Variants in DYNC1H1 observed in about 807,000 individuals in gnomAD.
DYNC1H1 encodes dynein cytoplasmic 1 heavy chain 1.
A neutral mutation model predicts 527.1 loss-of-function variants in DYNC1H1; 51 were observed. That is an observed-to-expected ratio of 0.10 (90% CI 0.08 to 0.12). DYNC1H1 has a LOEUF of 0.12. Among genes scored for constraint, DYNC1H1 ranks in the 10% least tolerant of loss-of-function variants. DYNC1H1 has a pLI of 1.00. For missense variants in DYNC1H1, 2,771 were observed against 5,971.8 expected (o/e 0.46, Z 17.66); for synonymous variants, 2,189 against 2,278.8 (o/e 0.96, Z 1.12).
chr14:102,003,894 C>T (rs2048162593), intron 23 of DYNC1H1, among the ~76,000 whole-genome samples: 1 of 151,048 alleles, frequency 6.6e-6, no homozygotes. Flanking sequence ...CCGCTGCACT[C>T]CAGCTGGGGT....
chr14:101,979,914 C>T lies in DYNC1H1; in HGVS notation c.714C>T (p.Asp238=), dbSNP rs748927251. 5.6e-6 allele frequency: 9 copies of T among 1,614,156 alleles called. No homozygotes were observed. Among genetic ancestry groups the T allele is most frequent in the Non-Finnish European group, 6.8e-6 (8 of 1,180,026 alleles). Residue 238 remains aspartate, a synonymous_variant, in exon 4 of 78, where the codon GAC becomes GAT. Transcript: ENST00000360184. This position sits in a 1 kb window ranked among gnomAD's most constrained non-coding sequence, Gnocchi z 4.6. ...KVTDFGDKVE[D]PTFLNQLQSG... Reference sequence around the variant, plus strand: ...CAGACTTTGGTGATAAGGTTGAAGACCCAACATTTCTTAATCAGTTACAAT... The same window carrying T: ...CAGACTTTGGTGATAAGGTTGAAGATCCAACATTTCTTAATCAGTTACAAT...
In DYNC1H1 at chr14:101,986,639, T is replaced by C. The variant is rs772485925; in HGVS notation, c.2414T>C (p.Val805Ala). The change falls in exon 8 of 78, where the codon GTG becomes GCG. Residue 805 changes from valine to alanine, a missense_variant. Val to Ala is a moderately conservative substitution (Grantham distance 64). This residue lies in a region of DYNC1H1 where 24 missense variants were observed against 19.0 expected (regional missense o/e 1.26). Transcript: ENST00000360184. The surrounding 1 kb of genome is among the most constrained non-coding windows in gnomAD (Gnocchi z 8.7). The stretch of plus-strand genomic sequence containing the variant: ...GAGCGGAACACCATTTCCCTTTTGG[T>C]GGCTGGCTTGAAAAAGGAAGTGCAG... ...VEERNTISLL[V>A]AGLKKEVQAL... 6.2e-7 allele frequency: 1 copy of C among 1,613,068 alleles called. No individual in the cohort carries two copies. The highest frequency in any genetic ancestry group is 8.5e-7 in the Non-Finnish European group (1 of 1,179,074).
rs2048044423 is a variant in DYNC1H1, at chr14:101,995,149, CTG to C, written c.3445-29_3445-28del. 1.9e-6 allele frequency: 3 copies of C among 1,614,214 alleles called. No individual in the cohort carries two copies. The East Asian group carries it at 6.7e-5, about 36-fold the overall frequency. ...ACCGGTCTACTGGTGAACCCCAGCT[CTG>C]TGATGAAATACTCCCCTCTCTCTGA... is the stretch of plus-strand genomic sequence containing the variant. On this transcript the variant is annotated intron_variant, in intron 14 of 77. Transcript: ENST00000360184.
In DYNC1H1 at chr14:102,011,109, TTTG is replaced by T. The variant is rs570695553; in HGVS notation, c.6618+169_6618+171del. ...GATTTGCCCAAGGCCTATTTGAATT[TTTG>T]TTGTTGTTGTTTAAATGAAGAGGAA... On this transcript the variant is annotated intron_variant, in intron 32 of 77. Coordinates refer to ENST00000360184, the MANE Select transcript of DYNC1H1 (RefSeq NM_001376.5). This position sits in a 1 kb window ranked among gnomAD's most constrained non-coding sequence, Gnocchi z 5.3. The T allele has an allele frequency of 4.0e-5, 32 of 798,770 alleles. 1 individual carries two copies. The highest frequency in any genetic ancestry group is 3.0e-4 in the South Asian group (20 of 67,336). The allele number at this position is 798,770 out of a possible 1,614,324, so 49.5% of individuals were successfully genotyped here. A position where few individuals can be genotyped will look rare whatever the true frequency, so the allele number is the denominator to read the frequency against.
chr14:101,994,276 G>T lies in DYNC1H1; in HGVS notation c.3108G>T (p.Ser1036=). 1 of 1,614,164 alleles carries T rather than the reference G, an allele frequency of 6.2e-7. No individual in the cohort carries two copies. The highest frequency in any genetic ancestry group is 8.5e-7 in the Non-Finnish European group (1 of 1,180,034). The change falls in exon 12 of 78, where the codon TCG becomes TCT. Residue 1036 remains serine, a synonymous_variant. Transcript: ENST00000360184. Reference sequence around the variant, plus strand: ...ATGGCCCTGTTGCCCTGGAAGAGTCGTATTCTGCTGTCATGGGCATTGTAT... The same window carrying T: ...ATGGCCCTGTTGCCCTGGAAGAGTCTTATTCTGCTGTCATGGGCATTGTAT... ...MPDGPVALEE[S]YSAVMGIVSE...
chr14:102,017,040 G>T lies in DYNC1H1; in HGVS notation c.7848+41G>T. ...GGTGGGCAGCAGACCTTTTGGTGCT[G>T]AGCATGGGGTTGGTCTTACAGTGTG... On this transcript the variant is annotated intron_variant, in intron 38 of 77. Coordinates refer to ENST00000360184, the MANE Select transcript of DYNC1H1 (RefSeq NM_001376.5). This position sits in a 1 kb window ranked among gnomAD's most constrained non-coding sequence, Gnocchi z 4.6. 1 of 1,614,234 alleles carries T rather than the reference G, an allele frequency of 6.2e-7. No individual in the cohort carries two copies. Among genetic ancestry groups the T allele is most frequent in the Non-Finnish European group, 8.5e-7 (1 of 1,180,024 alleles).
chr14:101,998,033 T>TCC (rs1184255435), intron 16 of DYNC1H1, among the ~76,000 whole-genome samples: 1 of 152,250 alleles, frequency 6.6e-6, no homozygotes, highest in Non-Finnish European at 1.5e-5. Context: ...TAACAGTGTG[T>TCC]GTGGTTACTG....
chr14:102,008,267 G>A lies in DYNC1H1; in HGVS notation c.5907G>A (p.Ser1969=), dbSNP rs758999145. ...ACCGCCTGGAGGAGCGGATGCTCTC[G>A]GCTGTGTCCCAGCAGGTGCAGTGCA... The part of the protein sequence containing the change: ...EFNRLEERML[S]AVSQQVQCIQ... Residue 1969 remains serine (S), a synonymous_variant, in exon 29 of 78, where the codon TCG becomes TCA. Coordinates refer to ENST00000360184, the MANE Select transcript of DYNC1H1 (RefSeq NM_001376.5). The A allele has an allele frequency of 2.7e-5, 44 of 1,614,024 alleles. No homozygotes were observed. In the Middle Eastern group the frequency reaches 6.6e-4, roughly 24 times the overall value.
At chr14:102,013,477 T>C (rs1217621166) in intron 34 of DYNC1H1, among the ~76,000 whole-genome samples, 1 of 151,064 alleles carries the variant, frequency 6.6e-6, no homozygotes, top group Admixed American at 6.6e-5. Context: ...CCAAGTATTC[T>C]GGGCAAAGGA....
In DYNC1H1 at chr14:102,042,616, G is replaced by A. The variant is rs1163337278; in HGVS notation, c.12400-19G>A. 3 of 1,613,990 alleles carry A rather than the reference G, an allele frequency of 1.9e-6. No individual in the cohort carries two copies. The highest frequency in any genetic ancestry group is 2.2e-5 in the East Asian group (1 of 44,886). ...CCTCATCCACACCCGAGCATAACTG[G>A]AACGGCGCTCTCCCTTAGGTGCCTG... On this transcript the variant is annotated intron_variant, in intron 68 of 77. Coordinates refer to ENST00000360184, the MANE Select transcript of DYNC1H1 (RefSeq NM_001376.5). This position sits in a 1 kb window ranked among gnomAD's most constrained non-coding sequence, Gnocchi z 5.7.
At chr14:102,026,134 G>T (rs1198592760) in intron 43 of DYNC1H1, among the ~76,000 whole-genome samples, 1 of 151,954 alleles carries the variant, frequency 6.6e-6, no homozygotes, top group South Asian at 2.1e-4. Flanking sequence ...AATAGGGCAG[G>T]CCCTCACACC....
chr14:102,043,997 G>A lies in DYNC1H1; in HGVS notation c.12636G>A (p.Leu4212=). 6.2e-7 allele frequency: 1 copy of A among 1,614,190 alleles called. No individual in the cohort carries two copies. ...SKKYEFGESD[L]RSACDTVDTW... is the part of the protein sequence containing the mutation. ...AGTATGAATTTGGAGAGTCTGACCTGCGGTCAGCTTGCGATACGGTGGACA... is the reference window on the plus strand; with the variant it reads ...AGTATGAATTTGGAGAGTCTGACCTACGGTCAGCTTGCGATACGGTGGACA... Residue 4212 remains leucine (L), a synonymous_variant, in exon 70 of 78, where the codon CTG becomes CTA. Transcript: ENST00000360184.
Position 101,979,417 on chromosome 14 carries a change from C to T in DYNC1H1, c.443C>T (p.Thr148Ile), listed in dbSNP as rs1255698645. The change falls in exon 3 of 78, where the codon ACT becomes ATT. Residue 148 changes from threonine to isoleucine, a missense_variant. Physicochemically the swap from Thr to Ile is moderately conservative, Grantham distance 89 (BLOSUM62 -1). Around this residue, in one of 32 missense-constraint regions of DYNC1H1, gnomAD observed 146 missense variants for 288.1 expected, o/e 0.51. Coordinates refer to ENST00000360184, the MANE Select transcript of DYNC1H1 (RefSeq NM_001376.5). The surrounding 1 kb of genome is among the most constrained non-coding windows in gnomAD (Gnocchi z 4.6). The stretch of plus-strand genomic sequence containing the variant: ...CTCAGTGAAGACTCGCCCTACGAAA[C>T]TTTGCATTCTTTCATTAGCAATGCA... ...LTLSEDSPYETLHSFISNAVA... is the reference protein window; with the variant it reads ...LTLSEDSPYEILHSFISNAVA... 1 of 1,614,114 alleles carries T rather than the reference C, an allele frequency of 6.2e-7. No individual in the cohort carries two copies. The highest frequency in any genetic ancestry group is 1.3e-5 in the African/African-American group (1 of 74,936).
rs750746553 is a variant in DYNC1H1, at chr14:102,040,420, C to T, written c.11865+10C>T. 5.6e-6 allele frequency: 9 copies of T among 1,614,024 alleles called. No individual in the cohort carries two copies. The highest frequency in any genetic ancestry group is 7.6e-6 in the Non-Finnish European group (9 of 1,180,034). ...GGTTCAGGCAGACGAGGTGATTGTT[C>T]TCTTGAATGTTCCCAGTAGGTAAAT... is the stretch of plus-strand genomic sequence containing the variant. On this transcript the variant is annotated intron_variant, in intron 63 of 77. Transcript: ENST00000360184.
At position 102,016,562 on chromosome 14, in the gene DYNC1H1, CATG is replaced by C; in HGVS notation, c.7614+74_7614+76del. 1 of 1,612,372 alleles carries C rather than the reference CATG, an allele frequency of 6.2e-7. No homozygotes were observed. The highest frequency in any genetic ancestry group is 8.5e-7 in the Non-Finnish European group (1 of 1,178,702). On this transcript the variant is annotated intron_variant, in intron 37 of 77. Coordinates refer to ENST00000360184, the MANE Select transcript of DYNC1H1 (RefSeq NM_001376.5). This position sits in a 1 kb window ranked among gnomAD's most constrained non-coding sequence, Gnocchi z 7.3. ...TTAACTCATCCTGGAACAAGCTGAC[CATG>C]GACCTTGGCTTCGTCTTTTCATTTT...
intron 44 of DYNC1H1, 180 bp downstream of exon 44, chr14:102,026,887 G>A (rs2048457212): frequency 1.0e-6 from 1 of 967,234 alleles, no homozygotes; most frequent in African/African-American, 1.6e-5. Flanking sequence ...TTTATCCTAA[G>A]CAGAACTTCA....
chr14:102,035,932 G>GT (rs17541477), intron 56 of DYNC1H1: 5,692 of 154,990 alleles, frequency 0.037, 139 homozygotes, highest in Non-Finnish European at 0.051. Flanking sequence ...TACCAGTTGG[G>GT]TTTTTTTTTA....
intron 28 of DYNC1H1, 118 bp from the exon 29 acceptor site, chr14:102,008,060 C>T (rs944931606): frequency 1.9e-5 from 27 of 1,442,542 alleles, no homozygotes; most frequent in African/African-American, 9.8e-5. Flanking sequence ...CACGCTCTTT[C>T]GCTAAAGACA....
intron 51 of DYNC1H1, chr14:102,030,554 G>A (rs1338289255): frequency 1.6e-5 from 7 of 433,774 alleles, no homozygotes; most frequent in African/African-American, 6.0e-5. Flanking sequence ...GTCAATATAC[G>A]TTTTTAGAGA....
Sources: gnomAD v4.1 joint callset for allele counts (sites outside exome capture counted in the v4.1 genomes callset) on GRCh38, gnomAD v4.1.1 for gene constraint, gnomAD v4.1.1 regional missense constraint, Gnocchi (gnomAD v3.1) non-coding constraint, MANE v1.5 for transcripts, NCBI Gene and HGNC (gene_info 2026-07-23, HGNC 2026-07-21) for gene names.